SLC16A11: variants seen among roughly 807,000 people sequenced by gnomAD.
SLC16A11 encodes monocarboxylate transporter 11.
Under a neutral mutation model 26.0 loss-of-function variants are expected in SLC16A11, and 24 were observed. The observed-to-expected ratio is 0.92, with a 90% CI of 0.67 to 1.30. The LOEUF (loss-of-function observed/expected upper bound fraction) is 1.30, where lower values mean the gene tolerates loss of function less well. Ranked by LOEUF, SLC16A11 falls within the 50% of genes most tolerant of loss-of-function variation. The probability of loss-of-function intolerance (pLI) is 0.00; values close to 1 mark genes in which losing one functional copy is unlikely to be tolerated. For synonymous variants in SLC16A11, 332 were observed against 296.0 expected, an observed-to-expected ratio of 1.12 and a Z score of -1.25; for missense variants, 638 against 597.7, an observed-to-expected ratio of 1.07 and a Z score of -0.70.
At chr17:7,043,749 TC>T in intron 1 of SLC16A11, 25 bp downstream of exon 1, 1 of 777,700 alleles carries the variant, frequency 1.3e-6, no homozygotes, top group Non-Finnish European at 1.9e-6. Flanking sequence ...AGGTTCCCCG[TC>T]CCACGCACAC....
At position 7,042,249 on chromosome 17, in the gene SLC16A11, C is replaced by T; in HGVS notation, c.861G>A (p.Leu287=). Reference sequence around the variant, plus strand: ...CAGTCAGAGCCCCGAATACGGCCAGCAGCCGCGGGAGGGGCACCCAGCCTT... The same window carrying T: ...CAGTCAGAGCCCCGAATACGGCCAGTAGCCGCGGGAGGGGCACCCAGCCTT... ...ADQGWVPLPR[L]LAVFGALTGL... Residue 287 remains leucine (L), a synonymous_variant, in exon 4 of 5, where the codon CTG becomes CTA. Coordinates refer to ENST00000574600, the MANE Select transcript of SLC16A11 (RefSeq NM_001370549.1). This position sits in a 1 kb window ranked among gnomAD's most constrained non-coding sequence, Gnocchi z 5.9. 1 of 1,579,702 alleles carries T rather than the reference C, an allele frequency of 6.3e-7. No homozygotes were observed. The highest frequency in any genetic ancestry group is 2.4e-5 in the East Asian group (1 of 42,240).
In SLC16A11 at chr17:7,043,833, C is replaced by T. The variant is rs559747911; in HGVS notation, c.-65G>A. ...GTGAGGAAGGGCTGGGCCCGGCTTTCTCTCTGCTTCCCAGGCGGGCGGGGG... is the reference window on the plus strand; with the variant it reads ...GTGAGGAAGGGCTGGGCCCGGCTTTTTCTCTGCTTCCCAGGCGGGCGGGGG... On this transcript the variant is annotated 5_prime_UTR_variant, in exon 1 of 5. Transcript: ENST00000574600. 4 of 443,460 alleles carry T rather than the reference C, an allele frequency of 9.0e-6. No homozygotes were observed. The South Asian group carries it at 2.4e-4, about 27-fold the overall frequency. 27.5% of individuals were successfully genotyped at this position (443,460 alleles called of 1,614,324 possible).
In SLC16A11 at chr17:7,042,354, T is replaced by TC; in HGVS notation, c.755dup (p.Tyr253IlefsTer125). 2 of 1,558,676 alleles carry TC rather than the reference T, an allele frequency of 1.3e-6. No individual in the cohort carries two copies. The highest frequency in any genetic ancestry group is 1.7e-6 in the Non-Finnish European group (2 of 1,150,596). On this transcript the variant is annotated frameshift_variant, in exon 4 of 5. Transcript: ENST00000574600. LOFTEE classifies it high-confidence loss of function. This position sits in a 1 kb window ranked among gnomAD's most constrained non-coding sequence, Gnocchi z 5.9. ...CGGCCACCACCAGCGCTGCTCCGTA[T>TC]CCCCCCAGGCCCCGGTCTAAAGCGT...
chr17:7,041,655 G>T lies in SLC16A11; in HGVS notation c.*24C>A, dbSNP rs761855776. ...AACCCGATAAAAATTCTTTATTGGGGGAGGGGCTCAAACAAGAAAATAATC... is the reference window on the plus strand; with the variant it reads ...AACCCGATAAAAATTCTTTATTGGGTGAGGGGCTCAAACAAGAAAATAATC... On this transcript the variant is annotated 3_prime_UTR_variant, in exon 5 of 5. Coordinates refer to ENST00000574600, the MANE Select transcript of SLC16A11 (RefSeq NM_001370549.1). 1.3e-6 allele frequency: 2 copies of T among 1,552,084 alleles called. No individual in the cohort carries two copies. The highest frequency in any genetic ancestry group is 1.7e-6 in the Non-Finnish European group (2 of 1,148,432).
Position 7,042,460 on chromosome 17 carries a change from C to T in SLC16A11, c.650G>A (p.Arg217His). 1.3e-6 allele frequency: 2 copies of T among 1,556,798 alleles called. No individual in the cohort carries two copies. Among genetic ancestry groups the T allele is most frequent in the Non-Finnish European group, 1.7e-6 (2 of 1,149,996 alleles). The stretch of plus-strand genomic sequence containing the variant: ...TAGAGCAAAGATTGAGAAGGCCCGG[C>T]GTGTGAACAGACTCAGGCCGAGGGC... ...LAALGLSLFTRRAFSIFALGT... is the reference protein window; with the variant it reads ...LAALGLSLFTHRAFSIFALGT... The change falls in exon 4 of 5, where the codon CGC becomes CAC. Residue 217 changes from arginine to histidine, a missense_variant. Transcript: ENST00000574600. This position sits in a 1 kb window ranked among gnomAD's most constrained non-coding sequence, Gnocchi z 5.9.
rs1405162280 is a variant in SLC16A11 at position 7,042,669 on chromosome 17, G to A, written c.441C>T (p.Thr147=). The A allele has an allele frequency of 3.8e-6, 6 of 1,558,930 alleles. No individual in the cohort carries two copies. Among genetic ancestry groups the A allele is most frequent in the African/African-American group, 1.3e-5 (1 of 74,476 alleles). Residue 147 remains threonine, a synonymous_variant, in exon 4 of 5, where the codon ACC becomes ACT. Transcript: ENST00000574600. This position sits in a 1 kb window ranked among gnomAD's most constrained non-coding sequence, Gnocchi z 5.9. ...GGAGCAGCGAGGAGGCCCCGTTGCC[G>A]GTGAGCGCCAGCCCCACCGCCAAGA... ...RRVLAVGLAL[T]GNGASSLLLA...
In SLC16A11 at chr17:7,041,695, A is replaced by T; in HGVS notation, c.1328T>A (p.Leu443Gln). ...AGAAAATAATCAACAAGTGGTGTCCAGAGTGGAGCCAGGGCCTCCTGGGGA... is the reference window on the plus strand; with the variant it reads ...AGAAAATAATCAACAAGTGGTGTCCTGAGTGGAGCCAGGGCCTCCTGGGGA... ...LLSPGGPGST[L>Q]DTTC Residue 443 changes from leucine (L) to glutamine (Q), a missense_variant, in exon 5 of 5, where the codon CTG (leucine) becomes CAG (glutamine). By Grantham distance (113) the Leu-to-Gln change is moderately radical. Transcript: ENST00000574600. The T allele has an allele frequency of 6.2e-7, 1 of 1,607,858 alleles. No homozygotes were observed. The highest frequency in any genetic ancestry group is 8.5e-7 in the Non-Finnish European group (1 of 1,177,326).
intron 1 of SLC16A11, 118 bp downstream of exon 1, chr17:7,043,657 G>GGGAGCC (rs1910877020): frequency 1.4e-6 from 2 of 1,473,984 alleles, no homozygotes; most frequent in Admixed American, 2.4e-5. Context: ...GCGGGGCGGA[G>GGGAGCC]GGAGCCGGAG....
rs373206953 is a variant in SLC16A11, at chr17:7,042,290, C to T, written c.820G>A (p.Gly274Arg). ...ACCCAGCCTTGGTCTGCCAGCCACC[C>T]GCAGACCAGCCGGGCGCCCGCATCC... Reference protein sequence around the residue: ...MGDAGARLVCGWLADQGWVPL... With the variant: ...MGDAGARLVCRWLADQGWVPL... Residue 274 changes from glycine (G) to arginine (R), a missense_variant, in exon 4 of 5, where the codon GGG becomes AGG. Physicochemically the swap from Gly to Arg is moderately radical, Grantham distance 125. Transcript: ENST00000574600. This position sits in a 1 kb window ranked among gnomAD's most constrained non-coding sequence, Gnocchi z 5.9. 6.4e-7 allele frequency: 1 copy of T among 1,561,320 alleles called. No individual in the cohort carries two copies. The highest frequency in any genetic ancestry group is 1.9e-5 in the Admixed American group (1 of 53,588).
Position 7,043,455 on chromosome 17 carries a change from G to A in SLC16A11, c.59C>T (p.Ala20Val), listed in dbSNP as rs748488477. 1.3e-6 allele frequency: 2 copies of A among 1,597,138 alleles called. No individual in the cohort carries two copies. The highest frequency in any genetic ancestry group is 1.7e-6 in the Non-Finnish European group (2 of 1,176,866). Residue 20 changes from alanine (A) to valine (V), a missense_variant, in exon 2 of 5, where the codon GCA (alanine) becomes GTA (valine). Coordinates refer to ENST00000574600, the MANE Select transcript of SLC16A11 (RefSeq NM_001370549.1). ...GGACAGCCCGTTTATCGCGAAGGCT[G>A]CGGCCGCCACCACCCAGCCCCAGCC... ...DGGWGWVVAA[A>V]AFAINGLSYG...
At position 7,041,918 on chromosome 17, in the gene SLC16A11, T is replaced by C. The variant is rs2151670592; in HGVS notation, c.1115-10A>G. On this transcript the variant is annotated splice_polypyrimidine_tract_variant and intron_variant, in intron 4 of 4. Coordinates refer to ENST00000574600, the MANE Select transcript of SLC16A11 (RefSeq NM_001370549.1). Reference sequence around the variant, plus strand: ...TCATCCCTTAGGAAGCCTGAGGAGATGGGTAAGGGCATTTAGAAGCCTCGA... The same window carrying C: ...TCATCCCTTAGGAAGCCTGAGGAGACGGGTAAGGGCATTTAGAAGCCTCGA... 6.2e-7 allele frequency: 1 copy of C among 1,613,148 alleles called. No individual in the cohort carries two copies. The highest frequency in any genetic ancestry group is 8.5e-7 in the Non-Finnish European group (1 of 1,179,392).
rs1487463308 is a variant in SLC16A11, at chr17:7,042,238, A to T, written c.872T>A (p.Phe291Tyr). The T allele has an allele frequency of 2.5e-6, 4 of 1,582,258 alleles. No individual in the cohort carries two copies. The highest frequency in any genetic ancestry group is 3.4e-6 in the Non-Finnish European group (4 of 1,165,358). ...CAGCCCCAGCCCAGTCAGAGCCCCG[A>T]ATACGGCCAGCAGCCGCGGGAGGGG... Reference protein sequence around the residue: ...WVPLPRLLAVFGALTGLGLWV... With the variant: ...WVPLPRLLAVYGALTGLGLWV... The change falls in exon 4 of 5, where the codon TTC becomes TAC. Residue 291 changes from phenylalanine to tyrosine, a missense_variant. Coordinates refer to ENST00000574600, the MANE Select transcript of SLC16A11 (RefSeq NM_001370549.1). This position sits in a 1 kb window ranked among gnomAD's most constrained non-coding sequence, Gnocchi z 5.9.
rs1046444418 is a variant in SLC16A11, at chr17:7,042,564, G to T, written c.546C>A (p.His182Gln). 18 of 1,582,826 alleles carry T rather than the reference G, an allele frequency of 1.1e-5. No homozygotes were observed. Among genetic ancestry groups the T allele is most frequent in the Non-Finnish European group, 1.4e-5 (16 of 1,166,916 alleles). ...ALLLLGAITL[H>Q]LTPCGALLLP... ...GCAGCAGGGCGCCACAGGGGGTGAG[G>T]TGGAGGGTGATCGCGCCGAGGAGGA... Residue 182 changes from histidine to glutamine, a missense_variant, in exon 4 of 5, where the codon CAC becomes CAA. Transcript: ENST00000574600. This position sits in a 1 kb window ranked among gnomAD's most constrained non-coding sequence, Gnocchi z 5.9.
Position 7,042,614 on chromosome 17 carries a change from T to A in SLC16A11, c.496A>T (p.Thr166Ser). 1 of 1,584,624 alleles carries A rather than the reference T, an allele frequency of 6.3e-7. No homozygotes were observed. The highest frequency in any genetic ancestry group is 8.6e-7 in the Non-Finnish European group (1 of 1,168,700). The change falls in exon 4 of 5, where the codon ACT becomes TCT. Residue 166 changes from threonine (T) to serine (S), a missense_variant. By Grantham distance (58) the Thr-to-Ser change is moderately conservative. Transcript: ENST00000574600. This position sits in a 1 kb window ranked among gnomAD's most constrained non-coding sequence, Gnocchi z 5.9. ...AGCAGAGCGCCCCGCCAGCCGAAAG[T>A]ATCGAGAAGAAGCTGCAAGGCGGGC... ...LAPALQLLLD[T>S]FGWRGALLLL... is the part of the protein sequence containing the mutation.
Position 7,043,012 on chromosome 17 carries a change from G to A in SLC16A11, c.264C>T (p.Gly88=), listed in dbSNP as rs200733054. The A allele has an allele frequency of 4.5e-5, 72 of 1,597,688 alleles. 1 individual carries two copies. In the East Asian group the frequency reaches 1.2e-3, roughly 27 times the overall value. The change falls in exon 3 of 5, where the codon GGC becomes GGT. Residue 88 remains glycine, a synonymous_variant. Coordinates refer to ENST00000574600, the MANE Select transcript of SLC16A11 (RefSeq NM_001370549.1). ...AGACGAAGCCCAGCGAGGCGAGGAC[G>A]CCCCCAACCATCACCACGGGGCGGG... is the stretch of plus-strand genomic sequence containing the variant. ...WGARPVVMVG[G]VLASLGFVFS...
In SLC16A11 at chr17:7,043,938, G is replaced by C; in HGVS notation, c.-170C>G. Reference sequence around the variant, plus strand: ...TAAACAGAGATCACCACAGGGGCCTGAGCCACCTGGGACGCGGGGTGTACG... The same window carrying C: ...TAAACAGAGATCACCACAGGGGCCTCAGCCACCTGGGACGCGGGGTGTACG... On this transcript the variant is annotated 5_prime_UTR_variant, in exon 1 of 5. Coordinates refer to ENST00000574600, the MANE Select transcript of SLC16A11 (RefSeq NM_001370549.1). The C allele has an allele frequency of 4.3e-6, 1 of 234,018 alleles. No homozygotes were observed. The highest frequency in any genetic ancestry group is 1.3e-3 in the Middle Eastern group (1 of 746). The allele number at this position is 234,018 out of a possible 1,614,324, so 14.5% of individuals were successfully genotyped here.
At chr17:7,043,216 C>T in intron 2 of SLC16A11, 96 bp downstream of exon 2, 1 of 1,502,592 alleles carries the variant, frequency 6.7e-7, no homozygotes, top group Non-Finnish European at 8.8e-7. Context: ...GCCGGTTGCC[C>T]TTTCTCAGGT....
In SLC16A11 at chr17:7,043,857, G is replaced by A. The variant is rs1910886003; in HGVS notation, c.-89C>T. ...TCTCTCTGCTTCCCAGGCGGGCGGGGGCCCCGAAGGGGAGCGAGGGCAGCG... is the reference window on the plus strand; with the variant it reads ...TCTCTCTGCTTCCCAGGCGGGCGGGAGCCCCGAAGGGGAGCGAGGGCAGCG... On this transcript the variant is annotated 5_prime_UTR_variant, in exon 1 of 5. Coordinates refer to ENST00000574600, the MANE Select transcript of SLC16A11 (RefSeq NM_001370549.1). 5 of 409,888 alleles carry A rather than the reference G, an allele frequency of 1.2e-5. No homozygotes were observed. In the East Asian group the frequency reaches 1.9e-4, roughly 16 times the overall value. 25.4% of individuals were successfully genotyped at this position (409,888 alleles called of 1,614,324 possible).
chr17:7,042,782 G>T lies in SLC16A11; in HGVS notation c.347-19C>A. The stretch of plus-strand genomic sequence containing the variant: ...CCAAAGCCTGCGAATGAATAGGAGG[G>T]GATGGGGGCCGGCACTGGGGACGCC... On this transcript the variant is annotated intron_variant, in intron 3 of 4. Transcript: ENST00000574600. The surrounding 1 kb of genome is among the most constrained non-coding windows in gnomAD (Gnocchi z 5.9). 1 of 1,541,736 alleles carries T rather than the reference G, an allele frequency of 6.5e-7. No individual in the cohort carries two copies. The highest frequency in any genetic ancestry group is 1.7e-4 in the Middle Eastern group (1 of 5,938).
Sources: allele counts gnomAD v4.1 joint callset, GRCh38; gene constraint gnomAD v4.1.1; non-coding constraint Gnocchi (gnomAD v3.1); transcripts MANE v1.5; gene names NCBI Gene and HGNC (gene_info 2026-07-23, HGNC 2026-07-21).